The following IQGAP2 variants were observed in gnomAD, a reference collection of about 807,000 sequenced individuals.
The protein encoded by IQGAP2 is ras GTPase-activating-like protein IQGAP2.
In IQGAP2, 173 loss-of-function variants were observed where a neutral mutation model predicts 201.3. The observed-to-expected ratio is 0.86, with a 90% confidence interval of 0.76 to 0.98. IQGAP2 has a LOEUF of 0.98. Ranked by LOEUF, IQGAP2 falls within the 50% of genes least tolerant of loss-of-function variation. The pLI, the probability that IQGAP2 is intolerant of heterozygous loss-of-function variation, is 0.00. For missense variants in IQGAP2, 1,687 were observed against 1,864.8 expected (o/e 0.90, Z 1.76); for synonymous variants, 675 against 673.9 (o/e 1.00, Z -0.03).
rs964042790 is a variant in IQGAP2 at position 76,663,209 on chromosome 5, G to A, written c.2530-1817G>A. On this transcript the variant is annotated intron_variant, in intron 21 of 35. Coordinates refer to ENST00000274364, the MANE Select transcript of IQGAP2 (RefSeq NM_006633.5). ...TGACTAGGGGCCCCTGCTGATAGCCGGTGGTGGGAAGTGGCCAGGGTGATA... is the reference window on the plus strand; with the variant it reads ...TGACTAGGGGCCCCTGCTGATAGCCAGTGGTGGGAAGTGGCCAGGGTGATA... 2.7e-4 allele frequency among the ~76,000 whole-genome samples: 41 copies of A among 152,312 alleles called. 1 individual carries two copies. The highest frequency in any genetic ancestry group is 6.5e-4 in the Admixed American group (10 of 15,298).
At chr5:76,609,841 A>G (rs200787583) in intron 12 of IQGAP2, among the ~76,000 whole-genome samples, 126 of 145,428 alleles carry the variant, frequency 8.7e-4, no homozygotes, top group African/African-American at 1.9e-3. Flanking sequence ...TTATATATAT[A>G]TGTGTGTGTG....
chr5:76,651,799 G>C (rs1177613297), intron 17 of IQGAP2, among the ~76,000 whole-genome samples: 1 of 151,784 alleles, frequency 6.6e-6, no homozygotes, highest in Non-Finnish European at 1.5e-5. Context: ...TGGAGCAAGT[G>C]CCCAGTTCGT....
At chr5:76,687,669 C>T (rs1003516864) in intron 30 of IQGAP2, among the ~76,000 whole-genome samples, 2 of 152,150 alleles carry the variant, frequency 1.3e-5, no homozygotes, top group East Asian at 3.9e-4. Flanking sequence ...GCAGTAGATT[C>T]TCATAGGAGT....
intron 1 of IQGAP2, among the ~76,000 whole-genome samples, chr5:76,460,403 A>G (rs34791684): frequency 0.2 from 29,761 of 151,968 alleles, 3,069 homozygotes; most frequent in Middle Eastern, 0.29. Flanking sequence ...GGATGTGGGG[A>G]GATGCAAAGT....
At chr5:76,490,062 C>T (rs983857095) in intron 2 of IQGAP2, among the ~76,000 whole-genome samples, 2 of 152,164 alleles carry the variant, frequency 1.3e-5, no homozygotes, top group African/African-American at 2.4e-5. Context: ...TTGAGAGTGC[C>T]GGTTGGAAAT....
chr5:76,455,453 CAAAAA>C (rs59978990), intron 1 of IQGAP2, among the ~76,000 whole-genome samples: 2 of 81,234 alleles, frequency 2.5e-5, no homozygotes, highest in African/African-American at 4.7e-5. Flanking sequence ...GACTCTGTCT[CAAAAA>C]AAAAAAAAAA....
At position 76,665,113 on chromosome 5, in the gene IQGAP2, A is replaced by T. The variant is rs200362498; in HGVS notation, c.2617A>T (p.Ser873Cys). The T allele has an allele frequency of 1.9e-6, 3 of 1,612,514 alleles. No homozygotes were observed. The highest frequency in any genetic ancestry group is 2.7e-5 in the African/African-American group (2 of 75,040). The change falls in exon 22 of 36, where the codon AGT becomes TGT. Residue 873 changes from serine to cysteine, a missense_variant. Ser to Cys is a moderately radical substitution (Grantham distance 112). Coordinates refer to ENST00000274364, the MANE Select transcript of IQGAP2 (RefSeq NM_006633.5). ...TAACACCGACAACCAAGGAATAAAAAGTTTGAGTAAGGAGAGGAGAAAAAC... is the reference window on the plus strand; with the variant it reads ...TAACACCGACAACCAAGGAATAAAATGTTTGAGTAAGGAGAGGAGAAAAAC... ...LNNTDNQGIKSLSKERRKTLE... is the reference protein window; with the variant it reads ...LNNTDNQGIKCLSKERRKTLE...
intron 13 of IQGAP2, among the ~76,000 whole-genome samples, chr5:76,611,637 C>T (rs1443731225): frequency 6.6e-6 from 1 of 152,136 alleles, no homozygotes; most frequent in Non-Finnish European, 1.5e-5. Flanking sequence ...TAAGGGTGTG[C>T]AAAGTGTCAA....
intron 2 of IQGAP2, among the ~76,000 whole-genome samples, chr5:76,555,780 GTTC>G (rs1251078184): frequency 3.3e-5 from 5 of 152,174 alleles, no homozygotes; most frequent in African/African-American, 1.2e-4. Flanking sequence ...TCTGATGGAA[GTTC>G]TTCTACCTTC....
intron 13 of IQGAP2, among the ~76,000 whole-genome samples, chr5:76,621,096 T>A (rs1749619981): frequency 1.3e-5 from 2 of 152,238 alleles, no homozygotes; most frequent in African/African-American, 4.8e-5. Context: ...CATTATGTCT[T>A]GTCCCATGGC....
Position 76,461,648 on chromosome 5 carries a change from G to T in IQGAP2, c.125G>T (p.Cys42Phe), listed in dbSNP as rs1312293848. 1 of 1,613,486 alleles carries T rather than the reference G, an allele frequency of 6.2e-7. No homozygotes were observed. Among genetic ancestry groups the T allele is most frequent in the Non-Finnish European group, 8.5e-7 (1 of 1,179,432 alleles). ...CAGAACATTGCTTATGAATATCTGT[G>T]CCACTTAGAGGAAGCCAAAAGGTAA... ...RRQNIAYEYL[C>F]HLEEAKRWME... The change falls in exon 2 of 36, where the codon TGC (cysteine) becomes TTC (phenylalanine). Residue 42 changes from cysteine to phenylalanine, a missense_variant. Transcript: ENST00000274364.
intron 2 of IQGAP2, among the ~76,000 whole-genome samples, chr5:76,481,383 A>C (rs1755786562): frequency 6.6e-6 from 1 of 152,112 alleles, no homozygotes; most frequent in African/African-American, 2.4e-5. Context: ...ATGTACAAAA[A>C]AAGTTTTTTT....
At chr5:76,430,125 A>G (rs1449920804) in intron 1 of IQGAP2, among the ~76,000 whole-genome samples, 1 of 152,118 alleles carries the variant, frequency 6.6e-6, no homozygotes, top group Non-Finnish European at 1.5e-5. Flanking sequence ...AGCCAGGCAG[A>G]CCTATATATG....
At chr5:76,688,263 CT>C (rs1745960312) in intron 30 of IQGAP2, among the ~76,000 whole-genome samples, 1 of 152,118 alleles carries the variant, frequency 6.6e-6, no homozygotes, top group South Asian at 2.1e-4. Context: ...AACTATTCTG[CT>C]TTTTTGTGAA....
intron 13 of IQGAP2, chr5:76,618,136 G>T: frequency 6.2e-7 from 1 of 1,614,156 alleles, no homozygotes. Flanking sequence ...GCCAGGTAGC[G>T]GTTGATGCTG....
At chr5:76,675,398 G>A (rs75301509) in intron 27 of IQGAP2, among the ~76,000 whole-genome samples, 2,982 of 152,278 alleles carry the variant, frequency 0.02, 101 homozygotes, top group African/African-American at 0.069. Context: ...TGAAAGGTTA[G>A]GAAAACCCAG....
intron 5 of IQGAP2, among the ~76,000 whole-genome samples, chr5:76,588,639 G>T (rs1352230705): frequency 6.6e-6 from 1 of 152,152 alleles, no homozygotes; most frequent in Non-Finnish European, 1.5e-5. Context: ...CATACAAATG[G>T]ATGATGCAGA....
At position 76,528,789 on chromosome 5, in the gene IQGAP2, A is replaced by C. The variant is rs373275912; in HGVS notation, c.147-33607A>C. ...TGCATGCCATTTAGACTCTAGGGAC[A>C]CCTTGCAAAGTTCTTGCTTTTTACT... is the stretch of plus-strand genomic sequence containing the variant. On this transcript the variant is annotated intron_variant, in intron 2 of 35. Coordinates refer to ENST00000274364, the MANE Select transcript of IQGAP2 (RefSeq NM_006633.5). Among the ~76,000 whole-genome samples, 13 of 152,328 alleles carry C rather than the reference A, an allele frequency of 8.5e-5. No individual in the cohort carries two copies. The East Asian group carries it at 2.5e-3, about 29-fold the overall frequency.
intron 2 of IQGAP2, among the ~76,000 whole-genome samples, chr5:76,507,571 T>C (rs1431776625): frequency 6.6e-6 from 1 of 152,152 alleles, no homozygotes; most frequent in African/African-American, 2.4e-5. Context: ...ATTTCCGTTC[T>C]GTGAAAGGCC....
Sources: allele counts gnomAD v4.1 joint callset (sites outside exome capture counted in the v4.1 genomes callset), GRCh38; gene constraint gnomAD v4.1.1; transcripts MANE v1.5; gene names NCBI Gene and HGNC (gene_info 2026-07-23, HGNC 2026-07-21).